The following PAX5 variants were observed in gnomAD, a reference collection of about 807,000 sequenced individuals.
PAX5 encodes paired box protein Pax-5.
A neutral mutation model predicts 43.7 loss-of-function variants in PAX5; 9 were observed. The observed-to-expected ratio is 0.21, with a 90% CI of 0.12 to 0.36. PAX5 has a LOEUF of 0.36. Ranked by LOEUF, PAX5 falls within the 10% of genes least tolerant of loss-of-function variation. The pLI, the probability that PAX5 is intolerant of heterozygous loss-of-function variation, is 1.00. For synonymous variants in PAX5, 228 were observed against 214.3 expected, an observed-to-expected ratio of 1.06 and a Z score of -0.56; for missense variants, 383 against 532.7, an observed-to-expected ratio of 0.72 and a Z score of 2.77.
At chr9:37,012,282 G>A (rs1838996170) in intron 3 of PAX5, among the ~76,000 whole-genome samples, 1 of 152,202 alleles carries the variant, frequency 6.6e-6, no homozygotes, top group Non-Finnish European at 1.5e-5. Flanking sequence ...CTACAGGGCA[G>A]TGGTGGAAAG....
intron 4 of PAX5, among the ~76,000 whole-genome samples, chr9:37,005,142 C>A (rs1030572346): frequency 1.3e-5 from 2 of 152,196 alleles, no homozygotes; most frequent in Non-Finnish European, 2.9e-5. Context: ...CAAACATTCC[C>A]CCAGGAAGCC....
At chr9:36,955,778 A>T (rs1208273912) in intron 6 of PAX5, among the ~76,000 whole-genome samples, 1,071 of 76,878 alleles carry the variant, frequency 0.014, 14 homozygotes, top group African/African-American at 0.035. Context: ...TTCAAAAAAA[A>T]AAAAATATAT....
At position 36,869,847 on chromosome 9, in the gene PAX5, A is replaced by AATGGATGG. The variant is rs113287865; in HGVS notation, c.1012+12149_1012+12156dup. On this transcript the variant is annotated intron_variant, in intron 8 of 9. Transcript: ENST00000358127. Reference sequence around the variant, plus strand: ...GGATGAATAGATGGATGGATGGATAAATGGATGGATGGATGGATGGATGGA... The same window carrying AATGGATGG: ...GGATGAATAGATGGATGGATGGATAAATGGATGGATGGATGGATGGATGGATGGATGGA... Among the ~76,000 whole-genome samples, 470 of 117,934 alleles carry AATGGATGG rather than the reference A, an allele frequency of 4.0e-3. 3 individuals carry two copies. The highest frequency in any genetic ancestry group is 0.015 in the Middle Eastern group (3 of 200). The allele number at this position is 117,934 out of a possible 152,430, so 77.4% of individuals were successfully genotyped here. A position where few individuals can be genotyped will look rare whatever the true frequency, so the allele number is the denominator to read the frequency against.
chr9:36,935,207 C>T (rs191937967), intron 6 of PAX5, among the ~76,000 whole-genome samples: 1 of 151,944 alleles, frequency 6.6e-6, no homozygotes, highest in Non-Finnish European at 1.5e-5. Context: ...CATGGAGAAA[C>T]CTGTGTCTAC....
chr9:36,958,623 A>G (rs866264458), intron 6 of PAX5, among the ~76,000 whole-genome samples: 1 of 152,104 alleles, frequency 6.6e-6, no homozygotes, highest in Middle Eastern at 3.2e-3. Flanking sequence ...TACCCTAGCA[A>G]TCGCCTCCTG....
chr9:37,020,901 A>C, intron 1 of PAX5, 100 bp from the exon 2 acceptor site: 1 of 1,281,380 alleles, frequency 7.8e-7, no homozygotes. Context: ...CTGATCACAA[A>C]TGGCCGGCAG....
intron 6 of PAX5, among the ~76,000 whole-genome samples, chr9:36,930,222 T>C (rs1831016800): frequency 7.1e-6 from 1 of 141,516 alleles, no homozygotes; most frequent in Non-Finnish European, 1.5e-5. Flanking sequence ...TGTCCTTTTT[T>C]TTTTTTTTTT....
chr9:37,029,092 T>C, intron 1 of PAX5, among the ~76,000 whole-genome samples: 1 of 152,126 alleles, frequency 6.6e-6, no homozygotes, highest in East Asian at 1.9e-4. Context: ...CAATTTCTAT[T>C]TCATGAGTGA....
intron 1 of PAX5, among the ~76,000 whole-genome samples, chr9:37,021,828 G>T (rs1304531843): frequency 6.6e-6 from 1 of 152,206 alleles, no homozygotes; most frequent in East Asian, 1.9e-4. Flanking sequence ...GAAGACTGGA[G>T]CCCAAAGCCA....
intron 7 of PAX5, among the ~76,000 whole-genome samples, chr9:36,900,634 T>TCTCCATGGCGTCCTC (rs536930132): frequency 6.6e-6 from 1 of 152,080 alleles, no homozygotes; most frequent in Non-Finnish European, 1.5e-5. Context: ...ACTCCGGGCT[T>TCTCCATGGCGTCCTC]CTCCATGGCG....
chr9:36,931,462 G>A (rs537883964), intron 6 of PAX5, among the ~76,000 whole-genome samples: 1 of 152,248 alleles, frequency 6.6e-6, no homozygotes, highest in Non-Finnish European at 1.5e-5. Context: ...TGGTGAACCT[G>A]TAGGTTAAAG....
chr9:36,955,559 A>T (rs901065383), intron 6 of PAX5, among the ~76,000 whole-genome samples: 2 of 151,896 alleles, frequency 1.3e-5, no homozygotes, highest in Admixed American at 1.3e-4. Context: ...AGTTTTTTGC[A>T]GGAGCTTTGG....
intron 8 of PAX5, among the ~76,000 whole-genome samples, chr9:36,880,002 C>T (rs946535639): frequency 3.9e-5 from 6 of 152,360 alleles, no homozygotes; most frequent in Admixed American, 2.0e-4. Flanking sequence ...AGAGTACACA[C>T]GGAGGCCGTT....
chr9:37,003,295 G>A (rs969748451), intron 4 of PAX5, among the ~76,000 whole-genome samples: 7 of 151,086 alleles, frequency 4.6e-5, no homozygotes, highest in Non-Finnish European at 7.4e-5. Flanking sequence ...ACTCCAAACC[G>A]CAGAGTGCCC....
chr9:36,895,202 T>C (rs1827749352), intron 7 of PAX5, among the ~76,000 whole-genome samples: 1 of 152,358 alleles, frequency 6.6e-6, no homozygotes, highest in African/African-American at 2.4e-5. Flanking sequence ...GAAGCAGGCC[T>C]GTGCACAAAG....
chr9:36,862,156 CGCT>C (rs1296374299), intron 8 of PAX5, among the ~76,000 whole-genome samples: 1 of 152,104 alleles, frequency 6.6e-6, no homozygotes, highest in Non-Finnish European at 1.5e-5. Flanking sequence ...CTCTACCTCT[CGCT>C]AAGCCTGTCA....
intron 7 of PAX5, among the ~76,000 whole-genome samples, chr9:36,900,053 T>C (rs1828231545): frequency 6.6e-6 from 1 of 152,256 alleles, no homozygotes; most frequent in Admixed American, 6.5e-5. Flanking sequence ...TGGATCTCTC[T>C]GCTCACTCTC....
At chr9:36,922,650 G>C (rs1461440643) in intron 7 of PAX5, 1 of 152,270 alleles carries the variant, frequency 6.6e-6, no homozygotes, top group Non-Finnish European at 1.5e-5. Context: ...TGCCAGACGA[G>C]AGTCCAAGCA....
chr9:36,884,361 C>T (rs1283789268), intron 7 of PAX5, among the ~76,000 whole-genome samples: 1 of 152,014 alleles, frequency 6.6e-6, no homozygotes, highest in African/African-American at 2.4e-5. Context: ...TTCAGGACAT[C>T]ATATTAATGT....
Sources: gnomAD v4.1 joint callset for allele counts (sites outside exome capture counted in the v4.1 genomes callset) on GRCh38, gnomAD v4.1.1 for gene constraint, MANE v1.5 for transcripts, NCBI Gene and HGNC (gene_info 2026-07-23, HGNC 2026-07-21) for gene names.